GPC5: variants seen among roughly 807,000 people sequenced by gnomAD.
GPC5 encodes glypican-5.
A neutral mutation model predicts 53.9 loss-of-function variants in GPC5; 47 were observed. The observed-to-expected ratio is 0.87, with a 90% CI of 0.69 to 1.11. GPC5 has a LOEUF of 1.11. Ranked by LOEUF, GPC5 falls within the 50% of genes most tolerant of loss-of-function variation. GPC5 has a pLI of 0.00. For synonymous variants in GPC5, 286 were observed against 263.3 expected (o/e 1.09, Z -0.84); for missense variants, 748 against 713.1 (o/e 1.05, Z -0.56).
At chr13:91,570,564 A>G (rs528361031) in intron 2 of GPC5, among the ~76,000 whole-genome samples, 5 of 152,290 alleles carry the variant, frequency 3.3e-5, no homozygotes, top group Admixed American at 2.0e-4. Context: ...CCACTTACCT[A>G]TCTTACAAGG....
chr13:91,717,153 AG>A (rs1206466358), intron 3 of GPC5, among the ~76,000 whole-genome samples: 5 of 152,184 alleles, frequency 3.3e-5, no homozygotes, highest in Admixed American at 6.5e-5. Context: ...ACAGGCAAGG[AG>A]AAAAAAAGAA....
intron 7 of GPC5, among the ~76,000 whole-genome samples, chr13:92,605,005 C>A (rs1369517256): frequency 6.6e-6 from 1 of 152,178 alleles, no homozygotes; most frequent in African/African-American, 2.4e-5. Flanking sequence ...GAATGTCAAC[C>A]AGATCCCAGG....
intron 1 of GPC5, among the ~76,000 whole-genome samples, chr13:91,411,482 C>A (rs1877788314): frequency 6.6e-6 from 1 of 152,148 alleles, no homozygotes; most frequent in Admixed American, 6.6e-5. Context: ...AGTGGGCATT[C>A]TTGGCTCTGG....
intron 2 of GPC5, among the ~76,000 whole-genome samples, chr13:91,493,280 G>GTATAA (rs906342635): frequency 6.6e-6 from 1 of 152,180 alleles, no homozygotes; most frequent in African/African-American, 2.4e-5. Context: ...GGCATGTAAT[G>GTATAA]TATAATAATC....
At chr13:92,462,597 G>A (rs941566411) in intron 7 of GPC5, among the ~76,000 whole-genome samples, 6 of 152,142 alleles carry the variant, frequency 3.9e-5, no homozygotes, top group Admixed American at 6.6e-5. Context: ...ATCTATGAGT[G>A]GAGCTTAGGT....
chr13:92,627,657 A>C (rs924290277), intron 7 of GPC5, among the ~76,000 whole-genome samples: 1 of 152,188 alleles, frequency 6.6e-6, no homozygotes, highest in Non-Finnish European at 1.5e-5. Context: ...ATTGATTTGG[A>C]ATTATACGAA....
At chr13:92,060,395 A>G (rs1425225649) in intron 6 of GPC5, among the ~76,000 whole-genome samples, 2 of 152,104 alleles carry the variant, frequency 1.3e-5, no homozygotes, top group Non-Finnish European at 2.9e-5. Flanking sequence ...ATAACCATAT[A>G]CAGTACAAAA....
chr13:92,815,652 T>C (rs573824595), intron 7 of GPC5, among the ~76,000 whole-genome samples: 2 of 151,996 alleles, frequency 1.3e-5, no homozygotes, highest in African/African-American at 2.4e-5. Context: ...GAACAGACTA[T>C]ACAAAGACAG....
intron 7 of GPC5, among the ~76,000 whole-genome samples, chr13:92,602,220 A>AT (rs199679809): frequency 3.6e-5 from 4 of 110,236 alleles, no homozygotes; most frequent in African/African-American, 6.9e-5. Context: ...CATATATATA[A>AT]ATATATATAT....
rs1048514933 is a variant in GPC5 at position 92,867,165 on chromosome 13, T to G, written c.*726T>G. Reference sequence around the variant, plus strand: ...CCATCTCTCTCTTTGCCTCATAGATTTAGCTATGTTGGGAAGCACATGCTT... The same window carrying G: ...CCATCTCTCTCTTTGCCTCATAGATGTAGCTATGTTGGGAAGCACATGCTT... On this transcript the variant is annotated 3_prime_UTR_variant, in exon 8 of 8. Coordinates refer to ENST00000377067, the MANE Select transcript of GPC5 (RefSeq NM_004466.6). 3.9e-5 allele frequency: 6 copies of G among 152,112 alleles called. No individual in the cohort carries two copies. The highest frequency in any genetic ancestry group is 1.4e-4 in the African/African-American group (6 of 41,448). 9.4% of individuals were successfully genotyped at this position (152,112 alleles called of 1,614,324 possible).
Position 92,560,369 on chromosome 13 carries a change from C to T in GPC5, c.1562-305913C>T, listed in dbSNP as rs190191548. On this transcript the variant is annotated intron_variant, in intron 7 of 7. Transcript: ENST00000377067. ...AGGTCTGCGACATGATTTCTGCCAA[C>T]ACCAGTACTGGAACTCAATATGGCC... 2.3e-4 allele frequency among the ~76,000 whole-genome samples: 35 copies of T among 152,168 alleles called. No homozygotes were observed. The East Asian group carries it at 5.6e-3, about 24-fold the overall frequency.
At chr13:91,727,302 G>A (rs1417869211) in intron 3 of GPC5, among the ~76,000 whole-genome samples, 2 of 152,100 alleles carry the variant, frequency 1.3e-5, no homozygotes, top group Non-Finnish European at 2.9e-5. Flanking sequence ...CCTTTCCCGG[G>A]GTAGTCTTTG....
At chr13:92,061,419 G>A (rs1280066775) in intron 6 of GPC5, among the ~76,000 whole-genome samples, 1 of 151,930 alleles carries the variant, frequency 6.6e-6, no homozygotes, top group African/African-American at 2.4e-5. Context: ...AGCTTTATTT[G>A]CAAAGCACGT....
At chr13:92,494,331 C>T (rs1249104931) in intron 7 of GPC5, among the ~76,000 whole-genome samples, 2 of 152,116 alleles carry the variant, frequency 1.3e-5, no homozygotes, top group Admixed American at 6.5e-5. Flanking sequence ...CCTCGTGATC[C>T]GCCTGCCTCA....
intron 7 of GPC5, among the ~76,000 whole-genome samples, chr13:92,853,399 A>G (rs1878879337): frequency 6.6e-6 from 1 of 152,194 alleles, no homozygotes; most frequent in Admixed American, 6.5e-5. Context: ...AAACCATCTC[A>G]TAAGTATGTA....
chr13:92,684,669 C>CTTTTGGTAATTATGAATA (rs1423093606), intron 7 of GPC5, among the ~76,000 whole-genome samples: 2 of 152,080 alleles, frequency 1.3e-5, no homozygotes, highest in Non-Finnish European at 2.9e-5. Context: ...GGTTGTTTCT[C>CTTTTGGTAATTATGAATA]TTTTGGTAAT....
At chr13:92,424,567 G>C (rs1269074713) in intron 7 of GPC5, among the ~76,000 whole-genome samples, 2 of 151,830 alleles carry the variant, frequency 1.3e-5, no homozygotes, top group Non-Finnish European at 2.9e-5. Context: ...ATATTATTAA[G>C]AGAAGAAAGC....
rs537454046 is a variant in GPC5, at chr13:92,259,286, C to T, written c.1561+114297C>T. Among the ~76,000 whole-genome samples, 26 of 152,244 alleles carry T rather than the reference C, an allele frequency of 1.7e-4. No homozygotes were observed. The East Asian group carries it at 4.3e-3, about 25-fold the overall frequency. On this transcript the variant is annotated intron_variant, in intron 7 of 7. Transcript: ENST00000377067. ...TTATATTCAGTTTTGTTCTCCCTTC[C>T]TCTTTCCGTTGTTTATGGCTGGGTG... is the stretch of plus-strand genomic sequence containing the variant.
intron 6 of GPC5, among the ~76,000 whole-genome samples, chr13:91,969,968 T>A (rs1360941056): frequency 6.6e-6 from 1 of 152,188 alleles, no homozygotes; most frequent in Non-Finnish European, 1.5e-5. Flanking sequence ...TGCACTCCCA[T>A]GTTGTTTTTG....
Sources: allele counts gnomAD v4.1 joint callset (sites outside exome capture counted in the v4.1 genomes callset), GRCh38; gene constraint gnomAD v4.1.1; transcripts MANE v1.5; gene names NCBI Gene and HGNC (gene_info 2026-07-23, HGNC 2026-07-21).